GRID1: variants seen among roughly 807,000 people sequenced by gnomAD.
GRID1 encodes the protein glutamate ionotropic receptor delta type subunit 1.
In GRID1, 28 loss-of-function variants were observed where a neutral mutation model predicts 98.0. That is an observed-to-expected ratio of 0.29 (90% CI 0.21 to 0.39). GRID1 has a LOEUF of 0.39. GRID1 is among the 10% of genes least tolerant of loss of function. The pLI is 1.00. For synonymous variants in GRID1, 553 were observed against 538.5 expected, an observed-to-expected ratio of 1.03 and a Z score of -0.37; for missense variants, 1,111 against 1,340.5, an observed-to-expected ratio of 0.83 and a Z score of 2.67.
intron 4 of GRID1, among the ~76,000 whole-genome samples, chr10:85,934,519 A>T (rs1841901232): frequency 6.6e-6 from 1 of 151,974 alleles, no homozygotes; most frequent in Non-Finnish European, 1.5e-5. Context: ...TTGGAGCCAG[A>T]GTCTGGGCTA....
In GRID1 at chr10:86,045,402, C is replaced by T. The variant is rs746833522; in HGVS notation, c.726+93417G>A. Among the ~76,000 whole-genome samples the T allele has an allele frequency of 2.1e-4, 32 of 152,254 alleles. 1 individual carries two copies. The highest frequency in any genetic ancestry group is 4.2e-4 in the South Asian group (2 of 4,818). Reference sequence around the variant, plus strand: ...AGAGCAAAATGGACATACAATGTGTCGATCAACAGAGTAATATGGTAGGGG... The same window carrying T: ...AGAGCAAAATGGACATACAATGTGTTGATCAACAGAGTAATATGGTAGGGG... On this transcript the variant is annotated intron_variant, in intron 4 of 15. Coordinates refer to ENST00000327946, the MANE Select transcript of GRID1 (RefSeq NM_017551.3).
intron 8 of GRID1, among the ~76,000 whole-genome samples, chr10:85,764,317 C>T (rs969291246): frequency 7.9e-5 from 12 of 152,168 alleles, no homozygotes; most frequent in Admixed American, 6.5e-4. Flanking sequence ...TAAGTAGGGG[C>T]ACATCTGGCA....
chr10:85,923,518 G>C (rs1310782284), intron 4 of GRID1, among the ~76,000 whole-genome samples: 2 of 152,130 alleles, frequency 1.3e-5, no homozygotes, highest in Non-Finnish European at 2.9e-5. Flanking sequence ...GGCATTTACA[G>C]AACACCTCAT....
chr10:85,703,829 A>G (rs1841482150), intron 12 of GRID1, among the ~76,000 whole-genome samples: 1 of 152,090 alleles, frequency 6.6e-6, no homozygotes, highest in Non-Finnish European at 1.5e-5. Flanking sequence ...CCTTTAAAAT[A>G]CAAGATTACA....
At chr10:85,747,680 A>C (rs1842010062) in intron 8 of GRID1, among the ~76,000 whole-genome samples, 1 of 152,198 alleles carries the variant, frequency 6.6e-6, no homozygotes, top group African/African-American at 2.4e-5. Flanking sequence ...TACACCAGAA[A>C]GTGATTAGTC....
intron 4 of GRID1, among the ~76,000 whole-genome samples, chr10:86,072,780 C>A (rs1323827938): frequency 6.6e-6 from 1 of 152,214 alleles, no homozygotes; most frequent in Non-Finnish European, 1.5e-5. Context: ...AGGGCCTTTG[C>A]TAGTGTACAA....
At chr10:86,296,444 A>T (rs1218043578) in intron 2 of GRID1, among the ~76,000 whole-genome samples, 2 of 152,220 alleles carry the variant, frequency 1.3e-5, no homozygotes, top group Non-Finnish European at 2.9e-5. Context: ...ACAATAAATT[A>T]AAAGTATGAT....
chr10:86,105,675 A>G (rs923519928), intron 4 of GRID1, among the ~76,000 whole-genome samples: 51 of 152,182 alleles, frequency 3.4e-4, no homozygotes, highest in African/African-American at 1.2e-3. Flanking sequence ...CAAGCACCAG[A>G]GCCGGCACTG....
chr10:85,890,083 T>C (rs1841174717), intron 5 of GRID1, among the ~76,000 whole-genome samples: 1 of 152,100 alleles, frequency 6.6e-6, no homozygotes, highest in Non-Finnish European at 1.5e-5. Context: ...AATGATATAG[T>C]ATATTATTGT....
At chr10:85,859,093 A>C (rs73340516) in intron 6 of GRID1, among the ~76,000 whole-genome samples, 22,126 of 152,202 alleles carry the variant, frequency 0.15, 1,719 homozygotes, top group Middle Eastern at 0.2. Context: ...GGCCTTCCCA[A>C]TGCCCACATA....
At chr10:85,918,806 GAGCAGAAGGTGAGCAGTGCTCTCT>G (rs1275345096) in intron 4 of GRID1, among the ~76,000 whole-genome samples, 5 of 152,234 alleles carry the variant, frequency 3.3e-5, no homozygotes, top group Non-Finnish European at 5.9e-5. Flanking sequence ...GGAAGTGCCT[GAGCAGAAGGTGAGCAGTGCTCTCT>G]TTACAGTGCC....
chr10:85,801,253 T>C (rs1472228673), intron 8 of GRID1, among the ~76,000 whole-genome samples: 8 of 152,044 alleles, frequency 5.3e-5, no homozygotes, highest in Admixed American at 2.0e-4. Flanking sequence ...ATTAAAGGTT[T>C]TCCCACAAAG....
At chr10:85,647,439 C>A (rs373194984) in intron 12 of GRID1, 42 bp from the exon 13 acceptor site, 5 of 1,462,616 alleles carry the variant, frequency 3.4e-6, no homozygotes, top group Non-Finnish European at 4.8e-6. Context: ...ACATGCTGTG[C>A]ATTGCACACT....
At chr10:85,913,588 G>A (rs767604687) in intron 5 of GRID1, among the ~76,000 whole-genome samples, 2 of 152,114 alleles carry the variant, frequency 1.3e-5, no homozygotes, top group Non-Finnish European at 1.5e-5. Context: ...TCGGGAGTTC[G>A]AGGCCAGCCT....
intron 3 of GRID1, among the ~76,000 whole-genome samples, chr10:86,183,361 T>C (rs1163904764): frequency 6.6e-6 from 1 of 151,950 alleles, no homozygotes; most frequent in East Asian, 1.9e-4. Context: ...TTTATTTATT[T>C]ATTTATTTAT....
At position 86,366,064 on chromosome 10, in the gene GRID1, C is replaced by T. The variant is rs571284769; in HGVS notation, c.79+250G>A. ...TCCATCCCGGTGTTCCCCGAAGCGT[C>T]GGCCCTAAGTGTCGGTAGAGGCCGC... On this transcript the variant is annotated intron_variant, in intron 1 of 15. Transcript: ENST00000327946. This position sits in a 1 kb window ranked among gnomAD's most constrained non-coding sequence, Gnocchi z 4.1. Among the ~76,000 whole-genome samples the T allele has an allele frequency of 1.3e-5, 2 of 152,240 alleles. No homozygotes were observed. The highest frequency in any genetic ancestry group is 4.1e-4 in the South Asian group (2 of 4,834).
At chr10:86,104,794 C>T (rs1168974621) in intron 4 of GRID1, among the ~76,000 whole-genome samples, 2 of 152,190 alleles carry the variant, frequency 1.3e-5, no homozygotes, top group Non-Finnish European at 2.9e-5. Flanking sequence ...TGAATTCAGC[C>T]TGGTATCTTA....
At chr10:86,301,502 G>A (rs1033990398) in intron 2 of GRID1, among the ~76,000 whole-genome samples, 2 of 152,244 alleles carry the variant, frequency 1.3e-5, no homozygotes, top group African/African-American at 4.8e-5. Context: ...CTTTAAAGGG[G>A]GAGCAGACAC....
At chr10:85,834,869 G>A (rs1842898832) in intron 8 of GRID1, among the ~76,000 whole-genome samples, 1 of 152,012 alleles carries the variant, frequency 6.6e-6, no homozygotes, top group South Asian at 2.1e-4. Flanking sequence ...CTTATCTTAA[G>A]GATGTAAATA....
Sources: allele counts gnomAD v4.1 joint callset (sites outside exome capture counted in the v4.1 genomes callset), GRCh38; gene constraint gnomAD v4.1.1; non-coding constraint Gnocchi (gnomAD v3.1); transcripts MANE v1.5; gene names NCBI Gene and HGNC (gene_info 2026-07-23, HGNC 2026-07-21).